The following KIRREL3 variants were observed in gnomAD, a reference collection of about 807,000 sequenced individuals.
The protein encoded by KIRREL3 is kirre like nephrin family adhesion molecule 3, also known as kin of IRRE-like protein 3.
KIRREL3 carries 36 observed loss-of-function variants against 89.7 expected under a neutral mutation model. The ratio of observed to expected loss-of-function variants is 0.40; its 90% CI spans 0.31 to 0.53. The LOEUF (loss-of-function observed/expected upper bound fraction) is 0.53, where lower values mean the gene tolerates loss of function less well. Ranked by LOEUF, KIRREL3 falls within the 20% of genes least tolerant of loss-of-function variation. The pLI, the probability that KIRREL3 is intolerant of heterozygous loss-of-function variation, is 0.49. For synonymous variants in KIRREL3, 445 were observed against 441.4 expected, an observed-to-expected ratio of 1.01 and a Z score of -0.10; for missense variants, 864 against 1,056.6, an observed-to-expected ratio of 0.82 and a Z score of 2.53.
At chr11:126,493,278 T>C (rs966908559) in intron 4 of KIRREL3, among the ~76,000 whole-genome samples, 4 of 152,018 alleles carry the variant, frequency 2.6e-5, no homozygotes, top group Non-Finnish European at 5.9e-5. Context: ...TCCTAGCACT[T>C]TGGGAGGCCG....
chr11:126,457,337 ATG>A (rs58393189), intron 6 of KIRREL3, among the ~76,000 whole-genome samples: 5,433 of 143,396 alleles, frequency 0.038, 335 homozygotes, highest in East Asian at 0.25. Flanking sequence ...GTATGTGTAT[ATG>A]TGTGTGTGTA....
chr11:126,916,923 C>T (rs1449473774), intron 1 of KIRREL3, among the ~76,000 whole-genome samples: 1 of 152,152 alleles, frequency 6.6e-6, no homozygotes, highest in Non-Finnish European at 1.5e-5. Context: ...GACAGGATGT[C>T]CCCCAGCTTG....
Position 126,431,215 on chromosome 11 carries a change from C to T in KIRREL3, c.1696+204G>A, listed in dbSNP as rs1955115178. The T allele has an allele frequency of 4.7e-6, 7 of 1,499,096 alleles. No homozygotes were observed. Among genetic ancestry groups the T allele is most frequent in the South Asian group, 1.3e-5 (1 of 75,442 alleles). The allele number at this position is 1,499,096 out of a possible 1,614,324, so 92.9% of individuals were successfully genotyped here. A position where few individuals can be genotyped will look rare whatever the true frequency, so the allele number is the denominator to read the frequency against. ...GAAGTTCAGTCTAGTCCAGGTCAAC[C>T]TCAGCCTAGCGCCCACTCTGCCAGG... On this transcript the variant is annotated intron_variant, in intron 14 of 16. Transcript: ENST00000525144. The surrounding 1 kb of genome is among the most constrained non-coding windows in gnomAD (Gnocchi z 7.1).
intron 1 of KIRREL3, among the ~76,000 whole-genome samples, chr11:126,584,072 C>T (rs1941699234): frequency 6.6e-6 from 1 of 152,168 alleles, no homozygotes; most frequent in African/African-American, 2.4e-5. Flanking sequence ...TGGTGGCTGC[C>T]CCTCAGGACT....
At chr11:126,638,466 T>C (rs1944348512) in intron 1 of KIRREL3, among the ~76,000 whole-genome samples, 1 of 152,260 alleles carries the variant, frequency 6.6e-6, no homozygotes, top group African/African-American at 2.4e-5. Flanking sequence ...TTCTGTGTTC[T>C]ATACTGAGTC....
chr11:126,565,909 A>G lies in KIRREL3; in HGVS notation c.56-2997T>C, dbSNP rs1208620355. Among the ~76,000 whole-genome samples the G allele has an allele frequency of 1.3e-5, 2 of 152,054 alleles. No homozygotes were observed. The highest frequency in any genetic ancestry group is 2.9e-5 in the Non-Finnish European group (2 of 68,012). ...TAACTAGGTTATTAGGAGAGAGATG[A>G]TAGAACATGACAGAAAGAACAGGAA... On this transcript the variant is annotated intron_variant, in intron 1 of 16. Transcript: ENST00000525144. This position sits in a 1 kb window ranked among gnomAD's most constrained non-coding sequence, Gnocchi z 5.4.
intron 1 of KIRREL3, among the ~76,000 whole-genome samples, chr11:126,806,036 C>G (rs1048049543): frequency 6.6e-6 from 1 of 152,192 alleles, no homozygotes; most frequent in Non-Finnish European, 1.5e-5. Flanking sequence ...AAATTAAATG[C>G]CTGAATAGTC....
At position 126,492,802 on chromosome 11, in the gene KIRREL3, T is replaced by C. The variant is rs1039478303; in HGVS notation, c.434-19336A>G. Reference sequence around the variant, plus strand: ...TCTTACCTGCCCCGAGACCCAGCTCTTTCCTCCTCTTGGATGCTCTGGAGA... The same window carrying C: ...TCTTACCTGCCCCGAGACCCAGCTCCTTCCTCCTCTTGGATGCTCTGGAGA... On this transcript the variant is annotated intron_variant, in intron 4 of 16. Transcript: ENST00000525144. The surrounding 1 kb of genome is among the most constrained non-coding windows in gnomAD (Gnocchi z 4.8). 3.9e-5 allele frequency among the ~76,000 whole-genome samples: 6 copies of C among 152,126 alleles called. No homozygotes were observed. Among genetic ancestry groups the C allele is most frequent in the Admixed American group, 3.3e-4 (5 of 15,278 alleles).
At chr11:126,468,198 T>C (rs1341202735) in intron 5 of KIRREL3, among the ~76,000 whole-genome samples, 2 of 152,162 alleles carry the variant, frequency 1.3e-5, no homozygotes, top group Non-Finnish European at 2.9e-5. Flanking sequence ...TCCCCTGCTG[T>C]GTGGACTTGG....
Position 126,729,561 on chromosome 11 carries a change from G to A in KIRREL3, c.56-166649C>T, listed in dbSNP as rs1948529306. Among the ~76,000 whole-genome samples, 1 of 152,192 alleles carries A rather than the reference G, an allele frequency of 6.6e-6. No individual in the cohort carries two copies. The highest frequency in any genetic ancestry group is 1.5e-5 in the Non-Finnish European group (1 of 68,034). On this transcript the variant is annotated intron_variant, in intron 1 of 16. Transcript: ENST00000525144. The surrounding 1 kb of genome is among the most constrained non-coding windows in gnomAD (Gnocchi z 4.5). ...TGCAATATGCCAGGGTACTGTCCCT[G>A]TAAACAATGAGGCTGGAAGGCAAGA...
chr11:126,630,532 G>C (rs1247049271), intron 1 of KIRREL3, among the ~76,000 whole-genome samples: 1 of 152,124 alleles, frequency 6.6e-6, no homozygotes, highest in Non-Finnish European at 1.5e-5. Context: ...CTTTGGTCTT[G>C]GACTGGGAAA....
chr11:126,706,147 A>G (rs1947521663), intron 1 of KIRREL3, among the ~76,000 whole-genome samples: 1 of 152,214 alleles, frequency 6.6e-6, no homozygotes, highest in Non-Finnish European at 1.5e-5. Context: ...TCAACTGAAC[A>G]TTGCCAAGCC....
rs943590216 is a variant in KIRREL3 at position 126,475,116 on chromosome 11, C to T, written c.434-1650G>A. Reference sequence around the variant, plus strand: ...AAACACAGAAGGGGTAGTTGGATAACGGGGGCGTGGGAACCTAGCACAAAG... The same window carrying T: ...AAACACAGAAGGGGTAGTTGGATAATGGGGGCGTGGGAACCTAGCACAAAG... On this transcript the variant is annotated intron_variant, in intron 4 of 16. Coordinates refer to ENST00000525144, the MANE Select transcript of KIRREL3 (RefSeq NM_032531.4). This position sits in a 1 kb window ranked among gnomAD's most constrained non-coding sequence, Gnocchi z 7.5. 1.3e-5 allele frequency among the ~76,000 whole-genome samples: 2 copies of T among 152,154 alleles called. No homozygotes were observed. The highest frequency in any genetic ancestry group is 4.8e-5 in the African/African-American group (2 of 41,426).
At chr11:126,711,574 A>G (rs962510931) in intron 1 of KIRREL3, among the ~76,000 whole-genome samples, 1 of 152,222 alleles carries the variant, frequency 6.6e-6, no homozygotes, top group African/African-American at 2.4e-5. Flanking sequence ...AAAAACCCAA[A>G]AAACAACAAC....
chr11:126,451,376 G>A (rs546707074), intron 7 of KIRREL3, among the ~76,000 whole-genome samples: 9 of 148,800 alleles, frequency 6.0e-5, no homozygotes, highest in Non-Finnish European at 1.0e-4. Flanking sequence ...CTATGTGTGA[G>A]CGTGTGCATG....
At position 126,940,808 on chromosome 11, in the gene KIRREL3, C is replaced by CT. The variant is rs113383655; in HGVS notation, c.55+59646dup. 24 of 149,652 alleles carry CT rather than the reference C, an allele frequency of 1.6e-4. No homozygotes were observed. The highest frequency in any genetic ancestry group is 2.9e-4 in the African/African-American group (12 of 40,798). The allele number at this position is 149,652 out of a possible 1,614,324, so 9.3% of individuals were successfully genotyped here. A position where few individuals can be genotyped will look rare whatever the true frequency, so the allele number is the denominator to read the frequency against. Reference sequence around the variant, plus strand: ...GCAGTAATTCTTTTTTCTTTTCTTTCTTTTTTTTTTCTTTTGGTGTAACAG... The same window carrying CT: ...GCAGTAATTCTTTTTTCTTTTCTTTCTTTTTTTTTTTCTTTTGGTGTAACAG... On this transcript the variant is annotated intron_variant, in intron 1 of 16. Coordinates refer to ENST00000525144, the MANE Select transcript of KIRREL3 (RefSeq NM_032531.4). This position sits in a 1 kb window ranked among gnomAD's most constrained non-coding sequence, Gnocchi z 4.6.
Position 126,724,196 on chromosome 11 carries a change from G to C in KIRREL3, c.56-161284C>G, listed in dbSNP as rs921762164. 3.3e-5 allele frequency among the ~76,000 whole-genome samples: 5 copies of C among 152,172 alleles called. No homozygotes were observed. The East Asian group carries it at 9.6e-4, about 29-fold the overall frequency. On this transcript the variant is annotated intron_variant, in intron 1 of 16. Transcript: ENST00000525144. The surrounding 1 kb of genome is among the most constrained non-coding windows in gnomAD (Gnocchi z 4.3). ...AACATCACCCCCATTTCAACCTTCA[G>C]AGGCAGGTTGCTTCTGCCACGGCAA...
intron 11 of KIRREL3, among the ~76,000 whole-genome samples, chr11:126,438,865 C>T (rs939312873): frequency 7.2e-5 from 11 of 152,142 alleles, no homozygotes; most frequent in Admixed American, 6.5e-4. Context: ...TGTCTCAGCC[C>T]CCGCATGCAC....
intron 1 of KIRREL3, among the ~76,000 whole-genome samples, chr11:126,942,437 C>T (rs538254735): frequency 6.6e-6 from 1 of 152,216 alleles, no homozygotes; most frequent in East Asian, 1.9e-4. Flanking sequence ...AAAGTGACCT[C>T]AGAAACCTGG....
Sources: gnomAD v4.1 joint callset for allele counts (sites outside exome capture counted in the v4.1 genomes callset) on GRCh38, gnomAD v4.1.1 for gene constraint, Gnocchi (gnomAD v3.1) non-coding constraint, MANE v1.5 for transcripts, NCBI Gene and HGNC (gene_info 2026-07-23, HGNC 2026-07-21) for gene names.